The following ADAM12 variants were observed in gnomAD, a reference collection of about 807,000 sequenced individuals.
The protein encoded by ADAM12 is disintegrin and metalloproteinase domain-containing protein 12.
ADAM12 carries 70 observed loss-of-function variants against 106.4 expected under a neutral mutation model. That is an observed-to-expected ratio of 0.66 (90% confidence interval 0.54 to 0.80). The LOEUF is 0.80. Among genes scored for constraint, ADAM12 ranks in the 30% least tolerant of loss-of-function variants. The pLI is 0.00. For synonymous variants in ADAM12, 420 were observed against 433.5 expected, an observed-to-expected ratio of 0.97 and a Z score of 0.39; for missense variants, 1,010 against 1,171.9, an observed-to-expected ratio of 0.86 and a Z score of 2.02.
intron 2 of ADAM12, among the ~76,000 whole-genome samples, chr10:126,318,065 G>T (rs1853949533): frequency 6.6e-6 from 1 of 152,148 alleles, no homozygotes; most frequent in Admixed American, 6.5e-5. Context: ...AGCCTATCTA[G>T]TACCTAGAGT....
chr10:126,366,883 A>G (rs532867857), intron 1 of ADAM12, among the ~76,000 whole-genome samples: 47 of 152,274 alleles, frequency 3.1e-4, no homozygotes, highest in Admixed American at 7.8e-4. Context: ...AAGACATAAC[A>G]ATCCTAGATG....
At chr10:126,219,776 A>G (rs1025932490) in intron 3 of ADAM12, among the ~76,000 whole-genome samples, 4 of 152,294 alleles carry the variant, frequency 2.6e-5, no homozygotes, top group South Asian at 2.1e-4. Context: ...TTAAAGAAAC[A>G]TTTGTTTTTG....
intron 5 of ADAM12, among the ~76,000 whole-genome samples, chr10:126,125,913 C>G (rs1956198706): frequency 6.6e-6 from 1 of 151,474 alleles, no homozygotes. Flanking sequence ...ATCTACAAGT[C>G]AAGGCATAGC....
intron 14 of ADAM12, among the ~76,000 whole-genome samples, chr10:126,061,931 C>T (rs1447820717): frequency 6.6e-6 from 1 of 152,168 alleles, no homozygotes; most frequent in African/African-American, 2.4e-5. Context: ...AAACTGGAAA[C>T]CAGGCGGAAA....
intron 2 of ADAM12, among the ~76,000 whole-genome samples, chr10:126,327,825 G>T (rs1227909522): frequency 6.6e-6 from 1 of 152,170 alleles, no homozygotes; most frequent in African/African-American, 2.4e-5. Context: ...CTATCTCAGG[G>T]TGAATGTCTG....
At chr10:126,207,036 T>C (rs1957811988) in intron 3 of ADAM12, among the ~76,000 whole-genome samples, 2 of 152,222 alleles carry the variant, frequency 1.3e-5, no homozygotes, top group African/African-American at 4.8e-5. Flanking sequence ...CCGTCCGCCA[T>C]GATTGTGTGG....
rs1564988904 is a variant in ADAM12 at position 126,017,309 on chromosome 10, G to T, written c.2691C>A (p.Pro897=). The T allele has an allele frequency of 1.3e-6, 2 of 1,593,076 alleles. No individual in the cohort carries two copies. The highest frequency in any genetic ancestry group is 2.3e-5 in the East Asian group (1 of 44,402). The change falls in exon 23 of 23, where the codon CCC becomes CCA. Residue 897 remains proline (P), a synonymous_variant. Coordinates refer to ENST00000448723, the MANE Select transcript of ADAM12 (RefSeq NM_001288973.2). ...RPAPQYPHQV[P]RSTHTAYIK Reference sequence around the variant, plus strand: ...TAATATAGGCGGTGTGGGTGGATCTGGGCACTTGGTGTGGATATTGTGGAG... The same window carrying T: ...TAATATAGGCGGTGTGGGTGGATCTTGGCACTTGGTGTGGATATTGTGGAG...
At chr10:126,373,352 C>T (rs954989930) in intron 1 of ADAM12, among the ~76,000 whole-genome samples, 1 of 152,188 alleles carries the variant, frequency 6.6e-6, no homozygotes, top group African/African-American at 2.4e-5. Context: ...CTGATGGCTT[C>T]ACCCCCAAAG....
intron 11 of ADAM12, among the ~76,000 whole-genome samples, chr10:126,085,390 T>C (rs1350831796): frequency 1.3e-5 from 2 of 152,222 alleles, no homozygotes; most frequent in African/African-American, 4.8e-5. Context: ...CCCAGAGATT[T>C]TGCCATTACA....
At chr10:126,095,512 T>C (rs1172083938) in intron 10 of ADAM12, among the ~76,000 whole-genome samples, 2 of 116,204 alleles carry the variant, frequency 1.7e-5, no homozygotes, top group African/African-American at 6.8e-5. Context: ...CTAGCCTGGG[T>C]GACAGAGCGA....
At chr10:126,144,618 G>A (rs11244835) in intron 4 of ADAM12, among the ~76,000 whole-genome samples, 49,281 of 152,034 alleles carry the variant, frequency 0.32, 8,340 homozygotes, top group Non-Finnish European at 0.38. Context: ...AATGCACACG[G>A]GGGGGTTAGC....
intron 3 of ADAM12, among the ~76,000 whole-genome samples, chr10:126,227,237 T>C (rs1565151675): frequency 6.6e-6 from 1 of 152,080 alleles, no homozygotes; most frequent in Non-Finnish European, 1.5e-5. Context: ...ACTATTACCA[T>C]GATTACCACA....
At chr10:126,353,812 C>G (rs774773692) in intron 1 of ADAM12, among the ~76,000 whole-genome samples, 1 of 152,146 alleles carries the variant, frequency 6.6e-6, no homozygotes, top group Non-Finnish European at 1.5e-5. Context: ...CTGCGGTAAT[C>G]AATTGACTGC....
At chr10:126,375,697 T>TA (rs34602029) in intron 1 of ADAM12, among the ~76,000 whole-genome samples, 55,429 of 138,482 alleles carry the variant, frequency 0.4, 11,058 homozygotes, top group African/African-American at 0.46. Context: ...TCATTAAAGT[T>TA]AAAAAAAAAA....
intron 3 of ADAM12, among the ~76,000 whole-genome samples, chr10:126,215,680 G>A (rs1281425465): frequency 6.6e-6 from 1 of 152,186 alleles, no homozygotes; most frequent in Non-Finnish European, 1.5e-5. Context: ...ACTCAATGAG[G>A]AAGACAAAGA....
chr10:126,159,313 A>ATC (rs1956892922), intron 3 of ADAM12, among the ~76,000 whole-genome samples: 2 of 83,818 alleles, frequency 2.4e-5, no homozygotes, highest in Non-Finnish European at 5.3e-5. Context: ...CCATCAAAAA[A>ATC]AAAAAAAAAA....
chr10:126,275,491 CCA>C, intron 3 of ADAM12, among the ~76,000 whole-genome samples: 1 of 152,232 alleles, frequency 6.6e-6, no homozygotes, highest in Non-Finnish European at 1.5e-5. Context: ...CAGCCCTGTG[CCA>C]TGAAGAATCG....
At chr10:126,039,114 C>T (rs200733799) in intron 19 of ADAM12, among the ~76,000 whole-genome samples, 180 bp downstream of exon 19, 20 of 151,892 alleles carry the variant, frequency 1.3e-4, no homozygotes, top group African/African-American at 1.9e-4. Flanking sequence ...CACCCACCAC[C>T]GCGCCCGGCT....
At chr10:126,098,136 G>A (rs1323347035) in intron 10 of ADAM12, among the ~76,000 whole-genome samples, 2 of 152,188 alleles carry the variant, frequency 1.3e-5, no homozygotes, top group Non-Finnish European at 2.9e-5. Context: ...AGGAATTCCT[G>A]GTTTGGAAAG....
Sources: gnomAD v4.1 joint callset for allele counts (sites outside exome capture counted in the v4.1 genomes callset) on GRCh38, gnomAD v4.1.1 for gene constraint, MANE v1.5 for transcripts, NCBI Gene and HGNC (gene_info 2026-07-23, HGNC 2026-07-21) for gene names.